TSPAN19: variants seen among roughly 807,000 people sequenced by gnomAD.
The protein encoded by TSPAN19 is tetraspanin 19.
TSPAN19 carries 44 observed loss-of-function variants against 35.1 expected under a neutral mutation model. The observed-to-expected ratio is 1.25, with a 90% CI of 0.98 to 1.61. The LOEUF is 1.61. Among genes scored for constraint, TSPAN19 ranks in the 40% most tolerant of loss-of-function variants. The pLI, the probability that TSPAN19 is intolerant of heterozygous loss-of-function variation, is 0.00. For synonymous variants in TSPAN19, 79 were observed against 92.0 expected (o/e 0.86, Z 0.81); for missense variants, 290 against 280.0 (o/e 1.04, Z -0.26).
chr12:85,021,388 TAAG>T (rs1180059169), intron 5 of TSPAN19, among the ~76,000 whole-genome samples: 1 of 152,042 alleles, frequency 6.6e-6, no homozygotes, highest in Non-Finnish European at 1.5e-5. Flanking sequence ...TTAATACATT[TAAG>T]AAGATTAGAA....
In TSPAN19 at chr12:85,017,511, T is replaced by C. The variant is rs201243887; in HGVS notation, c.539A>G (p.Lys180Arg). 3.3e-5 allele frequency: 53 copies of C among 1,607,350 alleles called. No individual in the cohort carries two copies. The African/African-American group carries it at 5.2e-4, about 16-fold the overall frequency. ...NSGQVPCSCT[K>R]STLRKWFCDE... ...ACAAAACCATTTTCTTAAAGTTGAC[T>C]TTGTGCAAGAACATGGCACCTGTCC... is the stretch of plus-strand genomic sequence containing the variant. The change falls in exon 7 of 9, where the codon AAG (lysine) becomes AGG (arginine). Residue 180 changes from lysine (K) to arginine (R), a missense_variant. Transcript: ENST00000532498.
intron 3 of TSPAN19, 133 bp downstream of exon 3, chr12:85,029,583 TGAA>T: frequency 2.5e-6 from 2 of 799,192 alleles, no homozygotes; most frequent in Admixed American, 3.3e-5. Flanking sequence ...CTACAACTGA[TGAA>T]GACTTTCAGA....
At chr12:85,032,805 G>C (rs954100161) in intron 1 of TSPAN19, among the ~76,000 whole-genome samples, 1 of 152,096 alleles carries the variant, frequency 6.6e-6, no homozygotes, top group East Asian at 1.9e-4. Flanking sequence ...TATAAACAAA[G>C]AATTTGTTTC....
chr12:85,033,181 G>T (rs1444162767), intron 1 of TSPAN19, among the ~76,000 whole-genome samples: 1 of 152,012 alleles, frequency 6.6e-6, no homozygotes, highest in Non-Finnish European at 1.5e-5. Context: ...GTCCTAGTTA[G>T]ATAAAAATGG....
chr12:85,027,825 C>G (rs1331051473), intron 4 of TSPAN19, 74 bp downstream of exon 4: 2 of 1,385,212 alleles, frequency 1.4e-6, no homozygotes, highest in East Asian at 5.2e-5. Context: ...TAATATAAAT[C>G]AGTATTCATT....
At chr12:85,024,255 T>G (rs188068865) in intron 4 of TSPAN19, among the ~76,000 whole-genome samples, 1 of 152,308 alleles carries the variant, frequency 6.6e-6, no homozygotes, top group Non-Finnish European at 1.5e-5. Context: ...TCTGAATTAC[T>G]GCAGTCCTAA....
chr12:85,028,040 T>C lies in TSPAN19; in HGVS notation c.140-17A>G, dbSNP rs146014210. Reference sequence around the variant, plus strand: ...TATTTTCATCTGTGAAAAGTACAAATTTACTTATTATGAAGTGGTATTTTA... The same window carrying C: ...TATTTTCATCTGTGAAAAGTACAAACTTACTTATTATGAAGTGGTATTTTA... On this transcript the variant is annotated splice_polypyrimidine_tract_variant and intron_variant, in intron 3 of 8. Transcript: ENST00000532498. 1 of 1,507,332 alleles carries C rather than the reference T, an allele frequency of 6.6e-7. No individual in the cohort carries two copies. Among genetic ancestry groups the C allele is most frequent in the South Asian group, 1.3e-5 (1 of 79,316 alleles). 93.4% of individuals were successfully genotyped at this position (1,507,332 alleles called of 1,614,324 possible). A position where few individuals can be genotyped will look rare whatever the true frequency, so the allele number is the denominator to read the frequency against.
At chr12:85,018,579 C>A (rs1011191547) in intron 6 of TSPAN19, among the ~76,000 whole-genome samples, 2 of 151,792 alleles carry the variant, frequency 1.3e-5, no homozygotes, top group African/African-American at 4.8e-5. Context: ...ATGTACGGAT[C>A]ACATACATAA....
At chr12:85,028,285 C>T (rs1052087345) in intron 3 of TSPAN19, among the ~76,000 whole-genome samples, 5 of 152,106 alleles carry the variant, frequency 3.3e-5, no homozygotes, top group African/African-American at 1.2e-4. Flanking sequence ...CCTTATCCTC[C>T]TTGTCTTCTA....
chr12:85,032,711 C>A (rs189248711), intron 1 of TSPAN19, among the ~76,000 whole-genome samples: 5 of 152,184 alleles, frequency 3.3e-5, no homozygotes, highest in Non-Finnish European at 5.9e-5. Flanking sequence ...AGAACAATGA[C>A]GTGCCAACAC....
chr12:85,033,642 C>T (rs183803055), intron 1 of TSPAN19, among the ~76,000 whole-genome samples: 5 of 152,120 alleles, frequency 3.3e-5, no homozygotes, highest in East Asian at 3.9e-4. Flanking sequence ...TTTGCAAATG[C>T]TATTATCCCC....
At position 85,023,392 on chromosome 12, in the gene TSPAN19, T is replaced by C. The variant is rs773897888; in HGVS notation, c.273A>G (p.Val91=). The part of the protein sequence containing the change: ...EIRWLLIVYA[V]LITWTFAVQV... ...GAACAGCAAAGGTCCATGTTATCAA[T>C]ACTGCATACTAAAACAAAAGAAAAA... Residue 91 remains valine, a synonymous_variant, in exon 5 of 9, where the codon GTA becomes GTG. Transcript: ENST00000532498. 3 of 1,578,916 alleles carry C rather than the reference T, an allele frequency of 1.9e-6. No homozygotes were observed. The highest frequency in any genetic ancestry group is 1.7e-4 in the Middle Eastern group (1 of 6,000).
intron 1 of TSPAN19, among the ~76,000 whole-genome samples, chr12:85,033,381 G>A (rs1350177358): frequency 6.6e-6 from 1 of 151,836 alleles, no homozygotes; most frequent in Non-Finnish European, 1.5e-5. Context: ...ATAGGGAGTC[G>A]TAATTCTGGC....
intron 4 of TSPAN19, 133 bp downstream of exon 4, chr12:85,027,766 G>A: frequency 1.2e-6 from 1 of 854,434 alleles, no homozygotes; most frequent in Non-Finnish European, 1.7e-6. Flanking sequence ...GGAGGAGGGT[G>A]TGCTTCATTT....
At chr12:85,034,914 A>G (rs1031812620) in intron 1 of TSPAN19, among the ~76,000 whole-genome samples, 6 of 152,188 alleles carry the variant, frequency 3.9e-5, no homozygotes, top group Non-Finnish European at 8.8e-5. Flanking sequence ...AGCTTTGAGA[A>G]GGAAAGGAAC....
chr12:85,015,903 T>C lies in TSPAN19; in HGVS notation c.663A>G (p.Gly221=). The change falls in exon 8 of 9, where the codon GGA becomes GGG. Residue 221 remains glycine, a synonymous_variant. Transcript: ENST00000532498. ...NVLTLIGINF[G]LLTSEVFQVS... ...AAAAGCTTACCTCTGAAGTTAAAAG[T>C]CCAAAGTTAATTCCGATTAAGGTTA... The C allele has an allele frequency of 6.5e-7, 1 of 1,548,472 alleles. No individual in the cohort carries two copies. The highest frequency in any genetic ancestry group is 8.7e-7 in the Non-Finnish European group (1 of 1,145,258).
At chr12:85,030,562 C>T (rs1052852470) in intron 1 of TSPAN19, among the ~76,000 whole-genome samples, 2 of 151,790 alleles carry the variant, frequency 1.3e-5, no homozygotes, top group Non-Finnish European at 2.9e-5. Context: ...ATTTAAGTGG[C>T]GAGAGTATGT....
intron 4 of TSPAN19, among the ~76,000 whole-genome samples, chr12:85,026,298 A>C (rs1168599398): frequency 6.6e-6 from 1 of 152,206 alleles, no homozygotes; most frequent in Non-Finnish European, 1.5e-5. Flanking sequence ...TTTTATATCC[A>C]AAATCTGAAG....
chr12:85,034,332 T>G (rs1877814718), intron 1 of TSPAN19, among the ~76,000 whole-genome samples: 1 of 152,156 alleles, frequency 6.6e-6, no homozygotes, highest in Non-Finnish European at 1.5e-5. Context: ...AAAATGCTCT[T>G]AAACTAAAAT....
Sources: gnomAD v4.1 joint callset for allele counts (sites outside exome capture counted in the v4.1 genomes callset) on GRCh38, gnomAD v4.1.1 for gene constraint, MANE v1.5 for transcripts, NCBI Gene and HGNC (gene_info 2026-07-23, HGNC 2026-07-21) for gene names.